Variants in RBFOX1 observed in about 807,000 individuals in gnomAD.
The protein encoded by RBFOX1 is RNA binding fox-1 homolog 1.
A neutral mutation model predicts 57.7 loss-of-function variants in RBFOX1; 8 were observed. That is an observed-to-expected ratio of 0.14 (90% CI 0.08 to 0.25). The LOEUF (loss-of-function observed/expected upper bound fraction) is 0.25, where lower values mean the gene tolerates loss of function less well. RBFOX1 is among the 10% of genes least tolerant of loss of function. RBFOX1 has a pLI of 1.00. For missense variants in RBFOX1, 611 were observed against 548.5 expected (o/e 1.11, Z -1.14); for synonymous variants, 326 against 222.4 (o/e 1.47, Z -4.15).
chr16:6,091,234 A>G (rs796823178), intron 1 of RBFOX1, among the ~76,000 whole-genome samples: 33 of 152,216 alleles, frequency 2.2e-4, no homozygotes, highest in African/African-American at 7.9e-4. Context: ...TCCCAGCCTT[A>G]GTCACCATAA....
intron 4 of RBFOX1, chr16:7,510,369 G>A (rs905280928): frequency 1.4e-5 from 14 of 976,996 alleles, no homozygotes; most frequent in Non-Finnish European, 1.7e-5. Flanking sequence ...TTTGAATGAA[G>A]CTGAAAGCTT....
chr16:5,382,182 A>ACT (rs1247256018), intron 1 of RBFOX1, among the ~76,000 whole-genome samples: 216 of 152,358 alleles, frequency 1.4e-3, no homozygotes, highest in African/African-American at 5.1e-3. Context: ...AGGCCATCTA[A>ACT]GAGTTAACTG....
In RBFOX1 at chr16:7,090,366, G is replaced by T. The variant is rs556718049; in HGVS notation, c.27+38268G>T. On this transcript the variant is annotated intron_variant, in intron 4 of 15. Coordinates refer to ENST00000550418, the MANE Select transcript of RBFOX1 (RefSeq NM_018723.4). Reference sequence around the variant, plus strand: ...TACTAAGATGGAAAACTTTTTGCTGGGGGGAGGTGTGGGGTAGATGGTATA... The same window carrying T: ...TACTAAGATGGAAAACTTTTTGCTGTGGGGAGGTGTGGGGTAGATGGTATA... 6.6e-5 allele frequency among the ~76,000 whole-genome samples: 10 copies of T among 152,222 alleles called. No homozygotes were observed. The South Asian group carries it at 2.1e-3, about 32-fold the overall frequency.
At position 7,171,537 on chromosome 16, in the gene RBFOX1, G is replaced by A. The variant is rs889515879; in HGVS notation, c.27+119439G>A. Among the ~76,000 whole-genome samples, 8 of 152,286 alleles carry A rather than the reference G, an allele frequency of 5.3e-5. No individual in the cohort carries two copies. In the East Asian group the frequency reaches 7.7e-4, roughly 15 times the overall value. On this transcript the variant is annotated intron_variant, in intron 4 of 15. Transcript: ENST00000550418. ...TGTGACACAAAATTCAGCACAAGGGGTAAAACTGTGGCCAAGAGGCCGCCT... is the reference window on the plus strand; with the variant it reads ...TGTGACACAAAATTCAGCACAAGGGATAAAACTGTGGCCAAGAGGCCGCCT...
chr16:5,936,601 G>C (rs35817643), intron 4 of RBFOX1, among the ~76,000 whole-genome samples: 31,086 of 152,146 alleles, frequency 0.2, 3,726 homozygotes, highest in Middle Eastern at 0.4. Flanking sequence ...AAGAGGTGGA[G>C]ACACAGGTCA....
At chr16:7,460,187 C>T (rs888503265) in intron 4 of RBFOX1, among the ~76,000 whole-genome samples, 2 of 151,564 alleles carry the variant, frequency 1.3e-5, no homozygotes, top group African/African-American at 4.8e-5. Flanking sequence ...CCTCCTGTTT[C>T]TATTATAGCT....
chr16:5,802,505 C>G (rs1217706551), intron 3 of RBFOX1, among the ~76,000 whole-genome samples: 1 of 152,138 alleles, frequency 6.6e-6, no homozygotes, highest in Non-Finnish European at 1.5e-5. Flanking sequence ...TCATCCCATC[C>G]TCTGCCATCA....
At position 6,317,679 on chromosome 16, in the gene RBFOX1, A is replaced by G. The variant is rs77306515; in HGVS notation, c.-64+622A>G. 1.2e-3 allele frequency among the ~76,000 whole-genome samples: 176 copies of G among 152,224 alleles called. 2 individuals are homozygous for G. The East Asian group carries it at 0.024, about 21-fold the overall frequency. On this transcript the variant is annotated intron_variant, in intron 2 of 15. Coordinates refer to ENST00000550418, the MANE Select transcript of RBFOX1 (RefSeq NM_018723.4). ...GGACTTTATTTTTGGTGAAGGTAGC[A>G]GTATTTTGTCCAATTTTCTCAGCTC...
At chr16:7,234,403 G>C (rs1053348485) in intron 4 of RBFOX1, among the ~76,000 whole-genome samples, 1 of 152,094 alleles carries the variant, frequency 6.6e-6, no homozygotes, top group Non-Finnish European at 1.5e-5. Flanking sequence ...AGTGGGAAAA[G>C]CTAACCTTTG....
chr16:6,209,854 A>T (rs1045027797), intron 1 of RBFOX1, among the ~76,000 whole-genome samples: 1 of 152,194 alleles, frequency 6.6e-6, no homozygotes, highest in African/African-American at 2.4e-5. Flanking sequence ...ACATGGTATG[A>T]AGGTCTATGC....
At chr16:6,816,833 C>T (rs902590876) in intron 3 of RBFOX1, among the ~76,000 whole-genome samples, 4 of 152,146 alleles carry the variant, frequency 2.6e-5, no homozygotes, top group African/African-American at 7.2e-5. Context: ...CAGTCTCAAA[C>T]TCCTGGGCTC....
chr16:6,900,926 T>G (rs1389853678), intron 3 of RBFOX1, among the ~76,000 whole-genome samples: 2 of 152,218 alleles, frequency 1.3e-5, no homozygotes, highest in African/African-American at 4.8e-5. Flanking sequence ...ACATGGTAAA[T>G]GCTAATGAAA....
At chr16:7,179,188 A>C (rs554326643) in intron 4 of RBFOX1, among the ~76,000 whole-genome samples, 1 of 151,738 alleles carries the variant, frequency 6.6e-6, no homozygotes, top group East Asian at 1.9e-4. Context: ...TAAAACAACA[A>C]ATTTTTATCT....
rs143601277 is a variant in RBFOX1, at chr16:7,709,083, C to G, written c.1023C>G (p.Pro341=). The G allele has an allele frequency of 2.5e-5, 40 of 1,613,578 alleles. No homozygotes were observed. The African/African-American group carries it at 3.9e-4, about 16-fold the overall frequency. Residue 341 remains proline (P), a synonymous_variant, in exon 15 of 16, where the codon CCC becomes CCG. Coordinates refer to ENST00000550418, the MANE Select transcript of RBFOX1 (RefSeq NM_018723.4). ...ACGGACGAGTTTATGCTGCCGACCC[C>G]TACCACCACGCACTTGCTCCAGCCC... ...DSYGRVYAAD[P]YHHALAPAPT... is the part of the protein sequence containing the mutation.
At chr16:7,183,104 G>C (rs1321888148) in intron 4 of RBFOX1, among the ~76,000 whole-genome samples, 1 of 152,136 alleles carries the variant, frequency 6.6e-6, no homozygotes, top group Non-Finnish European at 1.5e-5. Context: ...TCCTAGGAGA[G>C]AGAATTGAAT....
At chr16:6,787,243 A>G (rs1285664753) in intron 3 of RBFOX1, among the ~76,000 whole-genome samples, 35 of 152,134 alleles carry the variant, frequency 2.3e-4, no homozygotes, top group Admixed American at 2.2e-3. Flanking sequence ...TTCTCTATGC[A>G]GTTCCCTAAC....
intron 4 of RBFOX1, 35 bp from the exon 5 acceptor site, chr16:7,518,112 G>T (rs1265005925): frequency 1.3e-6 from 2 of 1,587,250 alleles, no homozygotes; most frequent in Admixed American, 1.7e-5. Context: ...TCCTCATGAC[G>T]TTCTCTCCCT....
chr16:6,236,360 A>G (rs1227148538), intron 1 of RBFOX1, among the ~76,000 whole-genome samples: 18 of 152,166 alleles, frequency 1.2e-4, no homozygotes. Context: ...ATCAGCTACA[A>G]TGATGAGCTC....
chr16:6,797,071 C>G (rs755886562), intron 3 of RBFOX1, among the ~76,000 whole-genome samples: 4 of 152,078 alleles, frequency 2.6e-5, no homozygotes, highest in Non-Finnish European at 5.9e-5. Context: ...TCTAGTGAAG[C>G]AAATAAATAG....
Sources: gnomAD v4.1 joint callset for allele counts (sites outside exome capture counted in the v4.1 genomes callset) on GRCh38, gnomAD v4.1.1 for gene constraint, MANE v1.5 for transcripts, NCBI Gene and HGNC (gene_info 2026-07-23, HGNC 2026-07-21) for gene names.